The following GRIA4 variants were observed in gnomAD, a reference collection of about 807,000 sequenced individuals.
GRIA4 encodes glutamate ionotropic receptor AMPA type subunit 4.
A neutral mutation model predicts 104.0 loss-of-function variants in GRIA4; 34 were observed. That is an observed-to-expected ratio of 0.33 (90% CI 0.25 to 0.44). GRIA4 has a LOEUF of 0.44. GRIA4 is among the 20% of genes least tolerant of loss of function. The pLI is 1.00. For missense variants in GRIA4, 750 were observed against 1,096.5 expected (o/e 0.68, Z 4.46); for synonymous variants, 386 against 381.9 (o/e 1.01, Z -0.13).
At chr11:105,685,568 C>A (rs76489887) in intron 3 of GRIA4, among the ~76,000 whole-genome samples, 2 of 152,138 alleles carry the variant, frequency 1.3e-5, no homozygotes, top group East Asian at 3.9e-4. Flanking sequence ...ATAAGATACA[C>A]GTTTGAAACT....
At chr11:105,808,746 T>G (rs2135861874) in intron 4 of GRIA4, among the ~76,000 whole-genome samples, 1 of 152,206 alleles carries the variant, frequency 6.6e-6, no homozygotes, top group Non-Finnish European at 1.5e-5. Context: ...AGATTCAATC[T>G]ATAAATCCCC....
At chr11:105,848,784 C>G (rs1944687388) in intron 4 of GRIA4, among the ~76,000 whole-genome samples, 1 of 152,094 alleles carries the variant, frequency 6.6e-6, no homozygotes, top group Non-Finnish European at 1.5e-5. Flanking sequence ...GGAGTCTTCA[C>G]CACCATAAGT....
intron 14 of GRIA4, among the ~76,000 whole-genome samples, chr11:105,955,782 T>C (rs542796094): frequency 1.8e-3 from 267 of 152,336 alleles, no homozygotes; most frequent in Admixed American, 2.7e-3. Context: ...CCAGCATCTA[T>C]TGTTTCCTGA....
At chr11:105,856,394 A>G (rs1241007050) in intron 4 of GRIA4, among the ~76,000 whole-genome samples, 3 of 152,074 alleles carry the variant, frequency 2.0e-5, no homozygotes, top group African/African-American at 7.2e-5. Flanking sequence ...TTCTCCACAT[A>G]TCCCTTCTTG....
intron 14 of GRIA4, among the ~76,000 whole-genome samples, chr11:105,936,198 C>A (rs1332913857): frequency 6.6e-6 from 1 of 152,178 alleles, no homozygotes; most frequent in Non-Finnish European, 1.5e-5. Context: ...AACTAGGATT[C>A]TTCTGCTTCA....
At chr11:105,853,994 T>C (rs1944915856) in intron 4 of GRIA4, among the ~76,000 whole-genome samples, 1 of 152,228 alleles carries the variant, frequency 6.6e-6, no homozygotes, top group South Asian at 2.1e-4. Context: ...GTTTCAGTAT[T>C]GTTTCACAAT....
chr11:105,926,314 G>T (rs916716235), intron 12 of GRIA4, among the ~76,000 whole-genome samples: 1 of 152,042 alleles, frequency 6.6e-6, no homozygotes, highest in Non-Finnish European at 1.5e-5. Context: ...GCTAATTTAT[G>T]TACCACAAAC....
At chr11:105,676,541 T>A (rs184271560) in intron 3 of GRIA4, among the ~76,000 whole-genome samples, 1 of 151,734 alleles carries the variant, frequency 6.6e-6, no homozygotes, top group Non-Finnish European at 1.5e-5. Context: ...AATCACTATA[T>A]CTATAAGGTA....
intron 5 of GRIA4, among the ~76,000 whole-genome samples, chr11:105,884,140 T>G (rs1289045362): frequency 6.6e-6 from 1 of 152,224 alleles, no homozygotes; most frequent in Non-Finnish European, 1.5e-5. Flanking sequence ...AGGCCATAAT[T>G]AATTTTGCAA....
intron 5 of GRIA4, among the ~76,000 whole-genome samples, chr11:105,872,662 A>G (rs1157048546): frequency 6.6e-6 from 1 of 152,126 alleles, no homozygotes; most frequent in Non-Finnish European, 1.5e-5. Flanking sequence ...AGTTTTCTTT[A>G]TAATTCAAGA....
chr11:105,730,802 T>G (rs1021403119), intron 3 of GRIA4, among the ~76,000 whole-genome samples: 1 of 152,168 alleles, frequency 6.6e-6, no homozygotes, highest in Non-Finnish European at 1.5e-5. Context: ...TACTAAATGG[T>G]GTTGGGAAAA....
At chr11:105,706,659 C>G (rs771402095) in intron 3 of GRIA4, 1 of 152,632 alleles carries the variant, frequency 6.6e-6, no homozygotes, top group Non-Finnish European at 1.5e-5. Flanking sequence ...CAGGGGAAAT[C>G]AAGAGAGGTG....
At chr11:105,622,556 T>C (rs1476976765) in intron 3 of GRIA4, among the ~76,000 whole-genome samples, 1 of 151,846 alleles carries the variant, frequency 6.6e-6, no homozygotes, top group Non-Finnish European at 1.5e-5. Flanking sequence ...TATTTCCTTT[T>C]TTTTTCTTTC....
intron 13 of GRIA4, among the ~76,000 whole-genome samples, chr11:105,933,062 G>A (rs1425636647): frequency 6.6e-6 from 1 of 151,286 alleles, no homozygotes; most frequent in Admixed American, 6.7e-5. Context: ...AACATAACAA[G>A]ATCCCATCTT....
At chr11:105,848,126 G>A (rs921418108) in intron 4 of GRIA4, among the ~76,000 whole-genome samples, 2 of 152,146 alleles carry the variant, frequency 1.3e-5, no homozygotes, top group Admixed American at 6.5e-5. Context: ...GATTAAAATG[G>A]TTTCATTAGC....
intron 6 of GRIA4, among the ~76,000 whole-genome samples, chr11:105,892,169 A>G (rs567970841): frequency 6.6e-6 from 1 of 152,160 alleles, no homozygotes; most frequent in Non-Finnish European, 1.5e-5. Context: ...ATCATCTCCC[A>G]CAGCACCCGT....
intron 15 of GRIA4, among the ~76,000 whole-genome samples, chr11:105,973,026 C>G (rs1252204155): frequency 2.6e-5 from 4 of 152,240 alleles, no homozygotes; most frequent in African/African-American, 9.6e-5. Flanking sequence ...TCTGTCTGCC[C>G]TTTAACCAGA....
intron 14 of GRIA4, among the ~76,000 whole-genome samples, chr11:105,953,843 C>G (rs899744548): frequency 6.6e-6 from 1 of 151,992 alleles, no homozygotes; most frequent in Non-Finnish European, 1.5e-5. Flanking sequence ...CTTAGGGTCT[C>G]TAATACTTGT....
intron 4 of GRIA4, among the ~76,000 whole-genome samples, chr11:105,790,009 G>A (rs1942145260): frequency 6.6e-6 from 1 of 152,064 alleles, no homozygotes; most frequent in African/African-American, 2.4e-5. Flanking sequence ...TCACACAAGG[G>A]GACTTTATGC....
Sources: allele counts gnomAD v4.1 joint callset (sites outside exome capture counted in the v4.1 genomes callset), GRCh38; gene constraint gnomAD v4.1.1; transcripts MANE v1.5; gene names NCBI Gene and HGNC (gene_info 2026-07-23, HGNC 2026-07-21).